The following BCAR1 variants were observed in gnomAD, a reference collection of about 807,000 sequenced individuals.
BCAR1 encodes breast cancer anti-estrogen resistance protein 1.
In BCAR1, 30 loss-of-function variants were observed where a neutral mutation model predicts 67.6. The ratio of observed to expected loss-of-function variants is 0.44; its 90% CI spans 0.33 to 0.60. The LOEUF (loss-of-function observed/expected upper bound fraction) is 0.60. BCAR1 is among the 20% of genes least tolerant of loss of function. BCAR1 has a pLI of 0.02. For synonymous variants in BCAR1, 626 were observed against 556.7 expected, an observed-to-expected ratio of 1.12 and a Z score of -1.75; for missense variants, 1,313 against 1,222.3, an observed-to-expected ratio of 1.07 and a Z score of -1.11.
In BCAR1 at chr16:75,251,531, G is replaced by C. The variant is rs1477388628; in HGVS notation, c.-49C>G. The stretch of plus-strand genomic sequence containing the variant: ...CGGCTCTCGCGGGGGCGCACACCGA[G>C]CTGCCCGGGCCGCGTGCCCTCGGGG... On this transcript the variant is annotated 5_prime_UTR_variant, in exon 1 of 7. Transcript: ENST00000162330. 1.5e-5 allele frequency: 19 copies of C among 1,237,228 alleles called. No homozygotes were observed. Among genetic ancestry groups the C allele is most frequent in the Non-Finnish European group, 1.8e-5 (18 of 988,630 alleles). The allele number at this position is 1,237,228 out of a possible 1,614,324, so 76.6% of individuals were successfully genotyped here. A position where few individuals can be genotyped will look rare whatever the true frequency, so the allele number is the denominator to read the frequency against.
Position 75,242,796 on chromosome 16 carries a change from G to A in BCAR1, c.307C>T (p.Leu103Phe), listed in dbSNP as rs1324480666. 6.2e-7 allele frequency: 1 copy of A among 1,601,466 alleles called. No individual in the cohort carries two copies. Among genetic ancestry groups the A allele is most frequent in the Admixed American group, 1.7e-5 (1 of 59,242 alleles). ...APPASQYTPMLPNTYQPQPDS... is the reference protein window; with the variant it reads ...APPASQYTPMFPNTYQPQPDS... ...GGCTGGGGCTGGTAGGTGTTGGGGA[G>A]CATGGGCGTGTACTGGGAGGCCGGA... Residue 103 changes from leucine (L) to phenylalanine (F), a missense_variant, in exon 2 of 7, where the codon CTC becomes TTC. Leu to Phe is a conservative substitution (Grantham distance 22). This residue lies in a region of BCAR1 where 1,272 missense variants were observed against 1,137.5 expected (regional missense o/e 1.12). Coordinates refer to ENST00000162330, the MANE Select transcript of BCAR1 (RefSeq NM_014567.5).
chr16:75,233,613 C>G (rs920807839), intron 6 of BCAR1, among the ~76,000 whole-genome samples: 2 of 152,146 alleles, frequency 1.3e-5, no homozygotes, highest in African/African-American at 2.4e-5. Flanking sequence ...TGCTCTCACC[C>G]CACTCTCTAA....
chr16:75,240,893 A>G (rs2077316989), intron 2 of BCAR1, among the ~76,000 whole-genome samples: 1 of 152,208 alleles, frequency 6.6e-6, no homozygotes, highest in Non-Finnish European at 1.5e-5. Context: ...GGAGACGGAG[A>G]CAGAACAGCT....
At chr16:75,236,855 C>A (rs1361412208) in intron 4 of BCAR1, 27 bp downstream of exon 4, 1 of 1,607,392 alleles carries the variant, frequency 6.2e-7, no homozygotes, top group Non-Finnish European at 8.5e-7. Context: ...TCAGCCTGGC[C>A]CTGGCATTGC....
chr16:75,252,268 G>C, upstream of BCAR1: 2 of 1,536,662 alleles, frequency 1.3e-6, no homozygotes, highest in African/African-American at 1.4e-5. Context: ...CTGGGGACTC[G>C]GGCTGGTCCT....
At position 75,266,627 on chromosome 16, in the gene BCAR1, T is replaced by C. The variant is rs771774731; in HGVS notation, c.66+1288A>G. On this transcript the variant is annotated intron_variant, in intron 1 of 6. Coordinates refer to the BCAR1 transcript ENST00000393422. ...CACCTGCAGCCACTGGGCACGTGCATGTTCGTCCCCATCGCTCCACTCCTG... is the reference window on the plus strand; with the variant it reads ...CACCTGCAGCCACTGGGCACGTGCACGTTCGTCCCCATCGCTCCACTCCTG... The C allele has an allele frequency of 2.1e-4, 205 of 974,196 alleles. 2 individuals are homozygous for C. The highest frequency in any genetic ancestry group is 2.6e-4 in the Non-Finnish European group (193 of 741,040). 60.3% of individuals were successfully genotyped at this position (974,196 alleles called of 1,614,324 possible).
intron 6 of BCAR1, among the ~76,000 whole-genome samples, chr16:75,232,390 C>T (rs2076931673): frequency 6.6e-6 from 1 of 152,126 alleles, no homozygotes; most frequent in Non-Finnish European, 1.5e-5. Flanking sequence ...AAACTCGTGA[C>T]CTCAAGTGAT....
intron 1 of BCAR1, chr16:75,265,807 G>A (rs911728037): frequency 1.7e-6 from 2 of 1,197,710 alleles, no homozygotes; most frequent in Admixed American, 4.5e-5. Flanking sequence ...CCGGGGTCCC[G>A]GGCGGCGCGG....
intron 1 of BCAR1, chr16:75,263,573 G>C: frequency 3.0e-6 from 3 of 985,388 alleles, no homozygotes; most frequent in Non-Finnish European, 3.6e-6. Context: ...GCTGATCCCC[G>C]GCATCTCCCC....
chr16:75,248,036 C>T, intron 1 of BCAR1: 1 of 1,430,728 alleles, frequency 7.0e-7, no homozygotes, highest in South Asian at 1.1e-5. Context: ...TCAAAACAAC[C>T]CCATAAGACA....
intron 4 of BCAR1, chr16:75,236,463 G>C: frequency 3.0e-6 from 1 of 333,832 alleles, no homozygotes; most frequent in Non-Finnish European, 5.5e-6. Flanking sequence ...CACCACGTGT[G>C]AACTTTCTAC....
rs986041116 is a variant in BCAR1, at chr16:75,234,829, C to G, written c.2010+60G>C. The G allele has an allele frequency of 4.0e-6, 6 of 1,509,676 alleles. No individual in the cohort carries two copies. The African/African-American group carries it at 5.6e-5, about 14-fold the overall frequency. The allele number at this position is 1,509,676 out of a possible 1,614,324, so 93.5% of individuals were successfully genotyped here. On this transcript the variant is annotated intron_variant, in intron 5 of 6. Coordinates refer to ENST00000162330, the MANE Select transcript of BCAR1 (RefSeq NM_014567.5). ...GGCCCCAGCTGAGAACAAATCTCCC[C>G]CTAAGCACAGGAGCCCAGCGTGGCA...
At chr16:75,251,969 TC>T, upstream of BCAR1, 3 of 596,994 alleles carry the variant, frequency 5.0e-6, no homozygotes, top group Non-Finnish European at 8.8e-6. Context: ...GCCTTCTTCC[TC>T]CAGAGCCGAG....
chr16:75,240,736 G>C (rs1473672569), intron 2 of BCAR1, among the ~76,000 whole-genome samples: 2 of 152,228 alleles, frequency 1.3e-5, no homozygotes, highest in Non-Finnish European at 2.9e-5. Context: ...AGAGCAGCCA[G>C]GCCCAGGACA....
intron 3 of BCAR1, 32 bp downstream of exon 3, chr16:75,237,151 T>C: frequency 6.7e-7 from 1 of 1,493,452 alleles, no homozygotes; most frequent in Non-Finnish European, 8.9e-7. Flanking sequence ...CTTGCCGCCC[T>C]GCCCTCCCAC....
At chr16:75,256,933 C>T (rs982603588) in intron 1 of BCAR1, among the ~76,000 whole-genome samples, 10 of 152,176 alleles carry the variant, frequency 6.6e-5, no homozygotes, top group Admixed American at 2.0e-4. Flanking sequence ...GGGCCATGTG[C>T]ACTCTGCCCC....
At chr16:75,247,957 A>T (rs1350596549) in intron 1 of BCAR1, 1 of 825,526 alleles carries the variant, frequency 1.2e-6, no homozygotes, top group Admixed American at 1.7e-5. Flanking sequence ...TCACAATAAT[A>T]AGAACAGCAC....
Position 75,237,250 on chromosome 16 carries a change from G to C in BCAR1, c.728C>G (p.Pro243Arg), listed in dbSNP as rs578020858. 8.5e-6 allele frequency: 13 copies of C among 1,527,872 alleles called. No individual in the cohort carries two copies. Among genetic ancestry groups the C allele is most frequent in the Non-Finnish European group, 1.1e-5 (12 of 1,142,758 alleles). 94.6% of individuals were successfully genotyped at this position (1,527,872 alleles called of 1,614,324 possible). Reference protein sequence around the residue: ...EYDIPRHLLAPGPQDIYDVPP... With the variant: ...EYDIPRHLLARGPQDIYDVPP... ...CACATCATAGATGTCCTGTGGCCCC[G>C]GGGCCAGCAGGTGTCGCGGGATGTC... Residue 243 changes from proline to arginine, a missense_variant, in exon 3 of 7, where the codon CCG (proline) becomes CGG (arginine). By Grantham distance (103) the Pro-to-Arg change is moderately radical. Transcript: ENST00000162330.
Position 75,229,339 on chromosome 16 carries a change from C to A in BCAR1, c.*172G>T. On this transcript the variant is annotated 3_prime_UTR_variant, in exon 7 of 7. Transcript: ENST00000162330. ...TTCGGCTCCTGAGGAGGCATGGCCC[C>A]ACACCCTGCCCGGCCATAAATATAT... 2.7e-6 allele frequency: 3 copies of A among 1,122,408 alleles called. No individual in the cohort carries two copies. The South Asian group carries it at 5.4e-5, about 20-fold the overall frequency. The allele number at this position is 1,122,408 out of a possible 1,614,324, so 69.5% of individuals were successfully genotyped here.
Sources: gnomAD v4.1 joint callset for allele counts (sites outside exome capture counted in the v4.1 genomes callset) on GRCh38, gnomAD v4.1.1 for gene constraint, gnomAD v4.1.1 regional missense constraint, MANE v1.5 for transcripts, NCBI Gene and HGNC (gene_info 2026-07-23, HGNC 2026-07-21) for gene names.